TRIOBP: variants seen among roughly 807,000 people sequenced by gnomAD.
TRIOBP encodes the protein TRIO and F-actin binding protein.
TRIOBP carries 169 observed loss-of-function variants against 238.8 expected under a neutral mutation model. The observed-to-expected ratio is 0.71, with a 90% CI of 0.62 to 0.80. TRIOBP has a LOEUF of 0.80. Among genes scored for constraint, TRIOBP ranks in the 30% least tolerant of loss-of-function variants. The pLI is 0.00. For missense variants in TRIOBP, 2,838 were observed against 3,122.6 expected (o/e 0.91, Z 2.17); for synonymous variants, 1,150 against 1,274.4 (o/e 0.90, Z 2.08).
At position 37,709,625 on chromosome 22, in the gene TRIOBP, G is replaced by A. The variant is rs890062205; in HGVS notation, c.115-802G>A. 2.6e-5 allele frequency among the ~76,000 whole-genome samples: 4 copies of A among 152,298 alleles called. No homozygotes were observed. In the South Asian group the frequency reaches 6.2e-4, roughly 24 times the overall value. On this transcript the variant is annotated intron_variant, in intron 3 of 23. Coordinates refer to ENST00000644935, the MANE Select transcript of TRIOBP (RefSeq NM_001039141.3). ...AGGCGGGGCGCAGGGTGCCATGGCC[G>A]CTGTCTCCCACCACCAGGGGAGGGA...
In TRIOBP at chr22:37,723,649, C is replaced by G; in HGVS notation, c.1093C>G (p.Gln365Glu). The stretch of plus-strand genomic sequence containing the variant: ...CTCTTCTACCCAGCAGGACAACCCC[C>G]AAACTTCTTTTCCTACTTGTACTCC... ...RTSSTQQDNP[Q>E]TSFPTCTPQR... Residue 365 changes from glutamine (Q) to glutamate (E), a missense_variant, in exon 7 of 24, where the codon CAA (glutamine) becomes GAA (glutamate). Transcript: ENST00000644935. 1 of 1,614,082 alleles carries G rather than the reference C, an allele frequency of 6.2e-7. No individual in the cohort carries two copies. Among genetic ancestry groups the G allele is most frequent in the Non-Finnish European group, 8.5e-7 (1 of 1,180,006 alleles).
At position 37,730,023 on chromosome 22, in the gene TRIOBP, A is replaced by G. The variant is rs147519284; in HGVS notation, c.3948-3275A>G. Among the ~76,000 whole-genome samples the G allele has an allele frequency of 1.4e-4, 22 of 152,312 alleles. No individual in the cohort carries two copies. In the East Asian group the frequency reaches 4.2e-3, roughly 29 times the overall value. On this transcript the variant is annotated intron_variant, in intron 7 of 23. Transcript: ENST00000644935. ...TTTTTCTTAAAGGGTTGTCACATCA[A>G]AGCATTGGGAGTTTTGGCTTGATCT...
Position 37,697,107 on chromosome 22 carries a change from G to A in TRIOBP, c.-170+18G>A, listed in dbSNP as rs1452137102. ...CAGCCAAGGTTAGCACTGGGCCTCA[G>A]AAAAGAGGAGCTGGTAGGGGGAGGC... On this transcript the variant is annotated intron_variant, in intron 1 of 23. Transcript: ENST00000644935. 6.6e-6 allele frequency: 1 copy of A among 152,272 alleles called. No homozygotes were observed. The highest frequency in any genetic ancestry group is 1.9e-4 in the East Asian group (1 of 5,204). The allele number at this position is 152,272 out of a possible 1,614,324, so 9.4% of individuals were successfully genotyped here.
At chr22:37,745,932 G>A (rs891755324) in intron 11 of TRIOBP, among the ~76,000 whole-genome samples, 2 of 151,872 alleles carry the variant, frequency 1.3e-5, no homozygotes, top group Non-Finnish European at 2.9e-5. Context: ...CCGCGCCATT[G>A]CCGGAGTCAC....
At chr22:37,759,841 C>A in intron 17 of TRIOBP, 1 of 1,171,334 alleles carries the variant, frequency 8.5e-7, no homozygotes, top group Non-Finnish European at 1.1e-6. Flanking sequence ...GACAAACTAA[C>A]TCTCTAGAAA....
At chr22:37,759,824 C>A in intron 17 of TRIOBP, 3 of 1,258,388 alleles carry the variant, frequency 2.4e-6, no homozygotes, top group Non-Finnish European at 2.0e-6. Context: ...CTGGTTGTCA[C>A]AACTAGGACA....
chr22:37,715,723 T>C (rs1419533141), intron 5 of TRIOBP, 40 bp from the exon 6 acceptor site: 1 of 1,606,484 alleles, frequency 6.2e-7, no homozygotes, highest in Admixed American at 1.7e-5. Context: ...GCAGCCTTTT[T>C]TCTCCCGCAA....
intron 18 of TRIOBP, among the ~76,000 whole-genome samples, chr22:37,766,022 C>T (rs572179776): frequency 2.6e-5 from 4 of 152,240 alleles, no homozygotes; most frequent in Admixed American, 1.3e-4. Flanking sequence ...TAAAAGATAC[C>T]CTCCCCACCC....
Position 37,727,806 on chromosome 22 carries a change from G to A in TRIOBP, c.3947+1303G>A, listed in dbSNP as rs36033780. ...GTCTTTTGAGTCTCCTTGGTCAGCA[G>A]CACTGGCCCCCTGGAAGGGGAGCAT... On this transcript the variant is annotated intron_variant, in intron 7 of 23. Transcript: ENST00000644935. 7.2e-5 allele frequency among the ~76,000 whole-genome samples: 11 copies of A among 152,304 alleles called. No individual in the cohort carries two copies. The East Asian group carries it at 1.9e-3, about 27-fold the overall frequency.
chr22:37,774,473 C>T lies in TRIOBP; in HGVS notation c.*693C>T, dbSNP rs1926944443. 1 of 152,246 alleles carries T rather than the reference C, an allele frequency of 6.6e-6. No homozygotes were observed. Among genetic ancestry groups the T allele is most frequent in the Non-Finnish European group, 1.5e-5 (1 of 68,054 alleles). The allele number at this position is 152,246 out of a possible 1,614,324, so 9.4% of individuals were successfully genotyped here. A position where few individuals can be genotyped will look rare whatever the true frequency, so the allele number is the denominator to read the frequency against. On this transcript the variant is annotated 3_prime_UTR_variant, in exon 24 of 24. Coordinates refer to ENST00000644935, the MANE Select transcript of TRIOBP (RefSeq NM_001039141.3). ...ACCCAAAAGGTGTTTCTCTTCTGCT[C>T]CCTGAACCTCTTAACTTAATAAAAC... is the stretch of plus-strand genomic sequence containing the variant.
chr22:37,739,588 C>G (rs147749451), intron 10 of TRIOBP, among the ~76,000 whole-genome samples: 3 of 152,190 alleles, frequency 2.0e-5, no homozygotes, highest in Non-Finnish European at 4.4e-5. Flanking sequence ...GGCCCAGGAA[C>G]CACCCAGCGC....
In TRIOBP at chr22:37,735,316, C is replaced by T; in HGVS notation, c.4980C>T (p.Thr1660=). 1 of 1,613,170 alleles carries T rather than the reference C, an allele frequency of 6.2e-7. No individual in the cohort carries two copies. Among genetic ancestry groups the T allele is most frequent in the East Asian group, 2.2e-5 (1 of 44,866 alleles). The change falls in exon 9 of 24, where the codon ACC becomes ACT. Residue 1660 remains threonine, a synonymous_variant. Coordinates refer to ENST00000644935, the MANE Select transcript of TRIOBP (RefSeq NM_001039141.3). ...TCCAGCTGCCCAGCCCTGCCTGCAC[C>T]TCCACCCAGTGGCCAAAGATCAAAG... The part of the protein sequence containing the change: ...SPVQLPSPAC[T]STQWPKIKVT...
chr22:37,740,748 G>C, intron 10 of TRIOBP, 147 bp from the exon 11 acceptor site: 1 of 1,205,894 alleles, frequency 8.3e-7, no homozygotes, highest in Non-Finnish European at 1.2e-6. Context: ...TAACCAGCTC[G>C]TCTCGGCAGT....
chr22:37,721,026 T>C (rs1308483236), intron 6 of TRIOBP, among the ~76,000 whole-genome samples: 1 of 15,730 alleles, frequency 6.4e-5, no homozygotes, highest in Non-Finnish European at 1.0e-4. Context: ...TCCGGCTAAT[T>C]TTTTTTTTTT....
In TRIOBP at chr22:37,715,842, G is replaced by A. The variant is rs773013563; in HGVS notation, c.536G>A (p.Arg179Gln). 3.7e-6 allele frequency: 6 copies of A among 1,614,012 alleles called. No homozygotes were observed. In the African/African-American group the frequency reaches 4.0e-5, roughly 11 times the overall value. The change falls in exon 6 of 24, where the codon CGG becomes CAG. Residue 179 changes from arginine to glutamine, a missense_variant. Transcript: ENST00000644935. The stretch of plus-strand genomic sequence containing the variant: ...GCAGTGATGATCCCGAGGAGGCCTC[G>A]GGAGGGGCCGAGAGCTGACAGCTCC... Reference protein sequence around the residue: ...ELAVMIPRRPREGPRADSSQR... With the variant: ...ELAVMIPRRPQEGPRADSSQR...
intron 3 of TRIOBP, among the ~76,000 whole-genome samples, chr22:37,707,719 A>G (rs948917472): frequency 6.6e-6 from 1 of 151,538 alleles, no homozygotes; most frequent in African/African-American, 2.4e-5. Flanking sequence ...AGGCAGGTGG[A>G]TCACCTGAGG....
Position 37,774,856 on chromosome 22 carries a change from C to CT in TRIOBP, c.*1077dup, listed in dbSNP as rs1167023514. On this transcript the variant is annotated 3_prime_UTR_variant, in exon 24 of 24. Transcript: ENST00000644935. ...CAGGGCCCAGGCCTGAGAGAGAGGCCTGGGGCTAAGACTAGCCCTGACCAT... is the reference window on the plus strand; with the variant it reads ...CAGGGCCCAGGCCTGAGAGAGAGGCCTTGGGGCTAAGACTAGCCCTGACCAT... The CT allele has an allele frequency of 6.6e-6, 1 of 152,248 alleles. No homozygotes were observed. The highest frequency in any genetic ancestry group is 1.5e-5 in the Non-Finnish European group (1 of 68,058). The allele number at this position is 152,248 out of a possible 1,614,324, so 9.4% of individuals were successfully genotyped here.
chr22:37,707,508 C>G (rs1923005882), intron 3 of TRIOBP, among the ~76,000 whole-genome samples: 1 of 152,116 alleles, frequency 6.6e-6, no homozygotes, highest in Non-Finnish European at 1.5e-5. Context: ...CACTCTCTCC[C>G]CATCTCTCTG....
chr22:37,773,402 A>T (rs926106891), intron 23 of TRIOBP, among the ~76,000 whole-genome samples: 3 of 152,072 alleles, frequency 2.0e-5, no homozygotes, highest in African/African-American at 7.2e-5. Flanking sequence ...CACTTTTTGT[A>T]TAGGTGGGGT....
Sources: allele counts gnomAD v4.1 joint callset (sites outside exome capture counted in the v4.1 genomes callset), GRCh38; gene constraint gnomAD v4.1.1; transcripts MANE v1.5; gene names NCBI Gene and HGNC (gene_info 2026-07-23, HGNC 2026-07-21).